The following ADGRG6 variants were observed in gnomAD, a reference collection of about 807,000 sequenced individuals.
ADGRG6 encodes G-protein coupled receptor 126.
ADGRG6 carries 84 observed loss-of-function variants against 142.4 expected under a neutral mutation model. The observed-to-expected ratio is 0.59, with a 90% confidence interval of 0.49 to 0.71. The LOEUF (loss-of-function observed/expected upper bound fraction) is 0.71, where lower values mean the gene tolerates loss of function less well. Ranked by LOEUF, ADGRG6 falls within the 30% of genes least tolerant of loss-of-function variation. The pLI is 0.00. For missense variants in ADGRG6, 1,367 were observed against 1,466.6 expected, an observed-to-expected ratio of 0.93 and a Z score of 1.11; for synonymous variants, 521 against 520.5, an observed-to-expected ratio of 1.00 and a Z score of -0.01.
intron 2 of ADGRG6, among the ~76,000 whole-genome samples, chr6:142,356,583 T>G (rs1706364823): frequency 6.6e-6 from 1 of 152,226 alleles, no homozygotes; most frequent in Non-Finnish European, 1.5e-5. Flanking sequence ...ATCATATGTC[T>G]TCATAACTTC....
chr6:142,366,752 CAAA>C (rs35575976), intron 2 of ADGRG6, among the ~76,000 whole-genome samples: 1 of 121,386 alleles, frequency 8.2e-6, no homozygotes. Flanking sequence ...GAGACTGTCT[CAAA>C]AAAAAAAAAA....
chr6:142,322,932 C>T (rs1030577524), intron 2 of ADGRG6, among the ~76,000 whole-genome samples: 5 of 151,992 alleles, frequency 3.3e-5, no homozygotes, highest in African/African-American at 1.2e-4. Flanking sequence ...TTCAATCAAA[C>T]ACTTGAAAAC....
At chr6:142,333,974 A>C (rs1779189705) in intron 2 of ADGRG6, among the ~76,000 whole-genome samples, 1 of 152,182 alleles carries the variant, frequency 6.6e-6, no homozygotes, top group Non-Finnish European at 1.5e-5. Context: ...GGTGAATAAA[A>C]TCTTTTACCA....
intron 2 of ADGRG6, among the ~76,000 whole-genome samples, chr6:142,344,922 A>G (rs1293781662): frequency 6.6e-6 from 1 of 152,006 alleles, no homozygotes; most frequent in East Asian, 1.9e-4. Flanking sequence ...TTAGGAAATA[A>G]ACTGAGTCTA....
chr6:142,341,656 A>G (rs989717098), intron 2 of ADGRG6, among the ~76,000 whole-genome samples: 3 of 133,758 alleles, frequency 2.2e-5, no homozygotes, highest in Non-Finnish European at 3.1e-5. Flanking sequence ...TATATACTAT[A>G]TAGTATATAT....
intron 2 of ADGRG6, among the ~76,000 whole-genome samples, chr6:142,339,555 T>G (rs925234425): frequency 1.3e-5 from 2 of 152,182 alleles, no homozygotes; most frequent in African/African-American, 2.4e-5. Flanking sequence ...GATTTGACAT[T>G]GTATGTTGTT....
At chr6:142,389,723 C>T (rs1218754841) in intron 6 of ADGRG6, among the ~76,000 whole-genome samples, 1 of 151,742 alleles carries the variant, frequency 6.6e-6, no homozygotes, top group Admixed American at 6.6e-5. Context: ...TGGTGAAATG[C>T]AGCCTAGTAG....
Position 142,403,876 on chromosome 6 carries a change from G to A in ADGRG6, c.2030G>A (p.Arg677Gln), listed in dbSNP as rs753293070. 7.8e-5 allele frequency: 125 copies of A among 1,608,946 alleles called. No homozygotes were observed. The highest frequency in any genetic ancestry group is 2.5e-4 in the South Asian group (23 of 90,800). ...NSTSHVNITT[R>Q]NLALSVSSLL... ...ACATCACATGTGAATATTACAACTCGGAACTTGGCTCTCAGCGTATCATCC... is the reference window on the plus strand; with the variant it reads ...ACATCACATGTGAATATTACAACTCAGAACTTGGCTCTCAGCGTATCATCC... Residue 677 changes from arginine to glutamine, a missense_variant, in exon 14 of 25, where the codon CGG (arginine) becomes CAG (glutamine). Physicochemically the swap from Arg to Gln is conservative, Grantham distance 43 (BLOSUM62 1). This residue lies in a region of ADGRG6 where 286 missense variants were observed against 371.4 expected (regional missense o/e 0.77). Coordinates refer to ENST00000367609, the MANE Select transcript of ADGRG6 (RefSeq NM_198569.3).
At position 142,327,506 on chromosome 6, in the gene ADGRG6, G is replaced by A. The variant is rs1041950805; in HGVS notation, c.103+17862G>A. ...GTTATTCAATTCAGTTGGAAGATAAGCTACTAGATATTTATAGGAAATGTG... is the reference window on the plus strand; with the variant it reads ...GTTATTCAATTCAGTTGGAAGATAAACTACTAGATATTTATAGGAAATGTG... On this transcript the variant is annotated intron_variant, in intron 2 of 24. Transcript: ENST00000367609. Among the ~76,000 whole-genome samples, 8 of 152,004 alleles carry A rather than the reference G, an allele frequency of 5.3e-5. No homozygotes were observed. The East Asian group carries it at 1.5e-3, about 29-fold the overall frequency.
intron 13 of ADGRG6, among the ~76,000 whole-genome samples, 172 bp from the exon 14 acceptor site, chr6:142,403,630 T>A (rs970823964): frequency 1.3e-5 from 2 of 152,222 alleles, no homozygotes; most frequent in African/African-American, 4.8e-5. Context: ...TGATTCCATA[T>A]TTTAACAGAT....
rs199995440 is a variant in ADGRG6, at chr6:142,405,657, C to T, written c.2128-31C>T. ...AGTTATTACCATTCAATTATGATTA[C>T]TTGACCAATATATCTGTGTGTGTGT... On this transcript the variant is annotated intron_variant, in intron 14 of 24. Coordinates refer to ENST00000367609, the MANE Select transcript of ADGRG6 (RefSeq NM_198569.3). The T allele has an allele frequency of 2.2e-4, 338 of 1,563,502 alleles. 3 individuals carry two copies. Among genetic ancestry groups the T allele is most frequent in the Middle Eastern group, 6.7e-4 (4 of 5,948 alleles).
chr6:142,319,031 T>C (rs1456127642), intron 2 of ADGRG6, among the ~76,000 whole-genome samples: 1 of 152,006 alleles, frequency 6.6e-6, no homozygotes, highest in Admixed American at 6.6e-5. Context: ...TTCCCTAGGG[T>C]GGTAGGGCAC....
intron 2 of ADGRG6, among the ~76,000 whole-genome samples, chr6:142,338,013 C>CTCTGTTTTTT (rs1779405571): frequency 3.8e-5 from 1 of 26,078 alleles, no homozygotes; most frequent in Admixed American, 4.7e-4. Context: ...TGCCTTGTAT[C>CTCTGTTTTTT]TTTGTTTTTT....
chr6:142,406,135 GCTCT>G (rs2115033349), intron 15 of ADGRG6, among the ~76,000 whole-genome samples: 1 of 151,406 alleles, frequency 6.6e-6, no homozygotes, highest in African/African-American at 2.4e-5. Flanking sequence ...AATATTTTAT[GCTCT>G]CCAATCATTT....
intron 4 of ADGRG6, among the ~76,000 whole-genome samples, chr6:142,376,138 C>T (rs184298685): frequency 6.6e-6 from 1 of 152,094 alleles, no homozygotes; most frequent in Admixed American, 6.5e-5. Flanking sequence ...TTTTATGACC[C>T]TCATGGATAG....
intron 2 of ADGRG6, among the ~76,000 whole-genome samples, chr6:142,355,099 T>C (rs892433204): frequency 7.2e-5 from 11 of 152,214 alleles, no homozygotes; most frequent in African/African-American, 2.4e-4. Flanking sequence ...TGAGATTTGA[T>C]GGCAAAATGG....
intron 4 of ADGRG6, among the ~76,000 whole-genome samples, chr6:142,378,722 A>T (rs1251464187): frequency 6.6e-6 from 1 of 152,128 alleles, no homozygotes; most frequent in Non-Finnish European, 1.5e-5. Flanking sequence ...GGCAGTCTAG[A>T]TTTCATCATT....
chr6:142,398,034 G>T (rs1324196032), intron 10 of ADGRG6, among the ~76,000 whole-genome samples: 3 of 152,100 alleles, frequency 2.0e-5, no homozygotes, highest in African/African-American at 7.2e-5. Flanking sequence ...GAATAATCTT[G>T]ATCATCACTG....
In ADGRG6 at chr6:142,408,571, C is replaced by T. The variant is rs963439559; in HGVS notation, c.2388+302C>T. 2.0e-5 allele frequency among the ~76,000 whole-genome samples: 3 copies of T among 152,088 alleles called. No individual in the cohort carries two copies. The East Asian group carries it at 5.8e-4, about 29-fold the overall frequency. On this transcript the variant is annotated intron_variant, in intron 16 of 24. Coordinates refer to ENST00000367609, the MANE Select transcript of ADGRG6 (RefSeq NM_198569.3). ...GATAAATTAGATGCAGATGTAGTTGCACAATTCTGCCAATAGAGGTTTTGG... is the reference window on the plus strand; with the variant it reads ...GATAAATTAGATGCAGATGTAGTTGTACAATTCTGCCAATAGAGGTTTTGG...
Sources: gnomAD v4.1 joint callset for allele counts (sites outside exome capture counted in the v4.1 genomes callset) on GRCh38, gnomAD v4.1.1 for gene constraint, gnomAD v4.1.1 regional missense constraint, MANE v1.5 for transcripts, NCBI Gene and HGNC (gene_info 2026-07-23, HGNC 2026-07-21) for gene names.